CSPP1: variants seen among roughly 807,000 people sequenced by gnomAD.
The protein encoded by CSPP1 is centrosome and spindle pole associated protein 1, also known as centrosome and spindle pole-associated protein 1.
A neutral mutation model predicts 164.4 loss-of-function variants in CSPP1; 126 were observed. That is an observed-to-expected ratio of 0.77 (90% CI 0.66 to 0.89). The LOEUF (loss-of-function observed/expected upper bound fraction) is 0.89, where lower values mean the gene tolerates loss of function less well. CSPP1 is among the 40% of genes least tolerant of loss of function. The pLI is 0.00. For missense variants in CSPP1, 1,395 were observed against 1,449.8 expected, an observed-to-expected ratio of 0.96 and a Z score of 0.61; for synonymous variants, 472 against 476.7, an observed-to-expected ratio of 0.99 and a Z score of 0.13.
intron 24 of CSPP1, among the ~76,000 whole-genome samples, chr8:67,172,154 A>ATTTTTTTTTTTTTTT (rs540548645): frequency 8.0e-6 from 1 of 124,880 alleles, no homozygotes; most frequent in African/African-American, 3.1e-5. Context: ...TGGCCTCATA[A>ATTTTTTTTTTTTTTT]TTTTTTTTTT....
chr8:67,100,899 C>T (rs1166828617), intron 7 of CSPP1, among the ~76,000 whole-genome samples: 1 of 151,804 alleles, frequency 6.6e-6, no homozygotes, highest in Non-Finnish European at 1.5e-5. Context: ...CATGGGTTCT[C>T]AAGAAAACCT....
intron 7 of CSPP1, among the ~76,000 whole-genome samples, chr8:67,100,159 CAATGAAAGGTAT>C (rs1280783449): frequency 6.6e-6 from 1 of 151,856 alleles, no homozygotes; most frequent in African/African-American, 2.4e-5. Flanking sequence ...TTTTTTTCTT[CAATGAAAGGTAT>C]ACCTTAGAAC....
Position 67,074,284 on chromosome 8 carries a change from A to C in CSPP1, c.32A>C (p.Glu11Ala), listed in dbSNP as rs778293599. Residue 11 changes from glutamate (E) to alanine (A), a missense_variant, in exon 2 of 31, where the codon GAG (glutamate) becomes GCG (alanine). By Grantham distance (107) the Glu-to-Ala change is moderately radical. Coordinates refer to ENST00000678616, the MANE Select transcript of CSPP1 (RefSeq NM_001382391.1). MADNLDEFIE[E>A]QKARLAEDKA... ...GATAATTTGGATGAATTTATTGAAG[A>C]GCAAAAAGCCAGATTGGCCGAAGAC... 116 of 1,611,424 alleles carry C rather than the reference A, an allele frequency of 7.2e-5. No individual in the cohort carries two copies. The highest frequency in any genetic ancestry group is 9.6e-5 in the Non-Finnish European group (113 of 1,178,852).
chr8:67,195,700 T>C lies in CSPP1; in HGVS notation c.*107T>C, dbSNP rs1466087656. ...GCCCCTACCTGAAAGTTACTTTTTT[T>C]CCATCATCTGTATATAAAATTATTT... On this transcript the variant is annotated 3_prime_UTR_variant, in exon 31 of 31. Transcript: ENST00000678616. 8.8e-6 allele frequency: 7 copies of C among 796,536 alleles called. No individual in the cohort carries two copies. Among genetic ancestry groups the C allele is most frequent in the African/African-American group, 1.7e-5 (1 of 57,148 alleles). The allele number at this position is 796,536 out of a possible 1,614,324, so 49.3% of individuals were successfully genotyped here. A position where few individuals can be genotyped will look rare whatever the true frequency, so the allele number is the denominator to read the frequency against.
chr8:67,171,837 C>T, intron 24 of CSPP1, among the ~76,000 whole-genome samples: 1 of 150,294 alleles, frequency 6.7e-6, no homozygotes, highest in Non-Finnish European at 1.5e-5. Flanking sequence ...TGTGAGCCAC[C>T]ATGCCTGGCC....
intron 5 of CSPP1, among the ~76,000 whole-genome samples, chr8:67,092,861 T>A (rs1456796008): frequency 1.3e-5 from 2 of 152,174 alleles, no homozygotes; most frequent in African/African-American, 4.8e-5. Flanking sequence ...CATTATAATA[T>A]TTTATAATCT....
At chr8:67,086,225 AAGTAGTAGTAT>A in intron 4 of CSPP1, 115 bp downstream of exon 4, 1 of 758,832 alleles carries the variant, frequency 1.3e-6, no homozygotes, top group Non-Finnish European at 2.4e-6. Context: ...GGTACTAGCA[AAGTAGTAGTAT>A]AGTCAAAGTT....
In CSPP1 at chr8:67,064,587, A is replaced by G. The variant is rs968098892; in HGVS notation, c.-11+49A>G. ...TGAGGGTGGAGGGTCCTGGGGCTGC[A>G]TTCGCTGCCCCGGAGCGGGGGCAGG... On this transcript the variant is annotated intron_variant, in intron 1 of 30. Transcript: ENST00000678616. 15 of 1,355,206 alleles carry G rather than the reference A, an allele frequency of 1.1e-5. No individual in the cohort carries two copies. The African/African-American group carries it at 1.6e-4, about 15-fold the overall frequency. The allele number at this position is 1,355,206 out of a possible 1,614,324, so 83.9% of individuals were successfully genotyped here. A position where few individuals can be genotyped will look rare whatever the true frequency, so the allele number is the denominator to read the frequency against.
chr8:67,143,995 C>T (rs1033545927), intron 17 of CSPP1, among the ~76,000 whole-genome samples: 7 of 152,146 alleles, frequency 4.6e-5, no homozygotes, highest in African/African-American at 1.2e-4. Flanking sequence ...AATTCATGAG[C>T]GCAGACATCC....
At chr8:67,085,266 A>G (rs956576731) in intron 3 of CSPP1, among the ~76,000 whole-genome samples, 3 of 152,080 alleles carry the variant, frequency 2.0e-5, no homozygotes, top group African/African-American at 7.2e-5. Context: ...TATACATTTT[A>G]CCACAATAAA....
At chr8:67,076,793 A>G (rs1261681521) in intron 3 of CSPP1, among the ~76,000 whole-genome samples, 2 of 152,210 alleles carry the variant, frequency 1.3e-5, no homozygotes. Context: ...GTTATGATTT[A>G]TGGAACTTAT....
rs916953326 is a variant in CSPP1, at chr8:67,196,473, T to G, written c.*880T>G. ...ATTCAAATAATTGTGACATTCTGAC[T>G]CAGATTAGAATCTCAGAACCATGAC... is the stretch of plus-strand genomic sequence containing the variant. On this transcript the variant is annotated 3_prime_UTR_variant, in exon 31 of 31. Coordinates refer to ENST00000678616, the MANE Select transcript of CSPP1 (RefSeq NM_001382391.1). Among the ~76,000 whole-genome samples, 1 of 152,196 alleles carries G rather than the reference T, an allele frequency of 6.6e-6. No homozygotes were observed. Among genetic ancestry groups the G allele is most frequent in the Non-Finnish European group, 1.5e-5 (1 of 68,040 alleles).
intron 13 of CSPP1, among the ~76,000 whole-genome samples, chr8:67,116,575 T>A (rs1370990138): frequency 2.6e-5 from 4 of 152,194 alleles, no homozygotes; most frequent in African/African-American, 9.6e-5. Context: ...TGATTACTTA[T>A]GGGCTGTGTA....
intron 1 of CSPP1, among the ~76,000 whole-genome samples, chr8:67,070,722 A>AAT (rs150664487): frequency 0.062 from 9,002 of 144,796 alleles, 340 homozygotes; most frequent in Non-Finnish European, 0.083. Context: ...TATATATGTA[A>AAT]ATATATATAT....
chr8:67,105,966 A>G lies in CSPP1; in HGVS notation c.1084A>G (p.Met362Val). The G allele has an allele frequency of 6.3e-7, 1 of 1,578,542 alleles. No homozygotes were observed. Among genetic ancestry groups the G allele is most frequent in the African/African-American group, 1.3e-5 (1 of 74,290 alleles). The change falls in exon 9 of 31, where the codon ATG becomes GTG. Residue 362 changes from methionine (M) to valine (V), a missense_variant. Transcript: ENST00000678616. ...NQDTCSPFAG[M>V]LFGGEDRELI... ...AGATACCTGTAGTCCTTTTGCAGGG[A>G]TGCTCTTTGGTAGGCACAAAACTTC...
At chr8:67,094,431 G>A (rs1011748581) in intron 6 of CSPP1, among the ~76,000 whole-genome samples, 17 of 151,446 alleles carry the variant, frequency 1.1e-4, no homozygotes, top group African/African-American at 4.1e-4. Flanking sequence ...CTGCCACCAC[G>A]CCTGGCTAAT....
intron 16 of CSPP1, chr8:67,136,002 G>T (rs1055342160): frequency 6.6e-6 from 1 of 152,152 alleles, no homozygotes; most frequent in East Asian, 1.9e-4. Context: ...CGGCTGATTG[G>T]TAGAATAGTC....
In CSPP1 at chr8:67,137,603, A is replaced by C. The variant is rs1430198572; in HGVS notation, c.1975A>C (p.Thr659Pro). 1 of 1,530,966 alleles carries C rather than the reference A, an allele frequency of 6.5e-7. No homozygotes were observed. Among genetic ancestry groups the C allele is most frequent in the Non-Finnish European group, 8.8e-7 (1 of 1,142,734 alleles). The allele number at this position is 1,530,966 out of a possible 1,614,324, so 94.8% of individuals were successfully genotyped here. A position where few individuals can be genotyped will look rare whatever the true frequency, so the allele number is the denominator to read the frequency against. The change falls in exon 17 of 31, where the codon ACT becomes CCT. Residue 659 changes from threonine (T) to proline (P), a missense_variant and splice_region_variant. Thr to Pro is a conservative substitution (Grantham distance 38). Coordinates refer to ENST00000678616, the MANE Select transcript of CSPP1 (RefSeq NM_001382391.1). Reference sequence around the variant, plus strand: ...CAGGGATGCAAAAGGAAATCTGATAAGTACGTTATTTCTACTGACTTGTTT... The same window carrying C: ...CAGGGATGCAAAAGGAAATCTGATACGTACGTTATTTCTACTGACTTGTTT... ...PLRDAKGNLITDLNRMHRQNI... is the reference protein window; with the variant it reads ...PLRDAKGNLIPDLNRMHRQNI...
At chr8:67,079,716 G>A (rs1326275779) in intron 3 of CSPP1, among the ~76,000 whole-genome samples, 1 of 151,708 alleles carries the variant, frequency 6.6e-6, no homozygotes, top group East Asian at 1.9e-4. Context: ...CTGCTAGATT[G>A]GGTTGGTCAA....
Sources: gnomAD v4.1 joint callset for allele counts (sites outside exome capture counted in the v4.1 genomes callset) on GRCh38, gnomAD v4.1.1 for gene constraint, MANE v1.5 for transcripts, NCBI Gene and HGNC (gene_info 2026-07-23, HGNC 2026-07-21) for gene names.